The following CCDC85A variants were observed in gnomAD, a reference collection of about 807,000 sequenced individuals.
The protein encoded by CCDC85A is coiled-coil domain-containing protein 85A.
CCDC85A carries 38 observed loss-of-function variants against 50.2 expected under a neutral mutation model. The ratio of observed to expected loss-of-function variants is 0.76; its 90% CI spans 0.58 to 0.99. The LOEUF is 0.99. Ranked by LOEUF, CCDC85A falls within the 50% of genes least tolerant of loss-of-function variation. The pLI, the probability that CCDC85A is intolerant of heterozygous loss-of-function variation, is 0.00. For synonymous variants in CCDC85A, 366 were observed against 301.4 expected, an observed-to-expected ratio of 1.21 and a Z score of -2.22; for missense variants, 820 against 742.0, an observed-to-expected ratio of 1.11 and a Z score of -1.22.
intron 2 of CCDC85A, among the ~76,000 whole-genome samples, chr2:56,230,718 A>G (rs1668737915): frequency 6.6e-6 from 1 of 152,196 alleles, no homozygotes; most frequent in Non-Finnish European, 1.5e-5. Context: ...AAATAACAAA[A>G]TGTCTCATTT....
At chr2:56,346,256 A>C (rs1391113844) in intron 3 of CCDC85A, among the ~76,000 whole-genome samples, 1 of 152,186 alleles carries the variant, frequency 6.6e-6, no homozygotes, top group Non-Finnish European at 1.5e-5. Flanking sequence ...ATGCTTGTGG[A>C]TTTCTCCCTG....
At chr2:56,235,787 G>A (rs1305589642) in intron 2 of CCDC85A, among the ~76,000 whole-genome samples, 2 of 152,198 alleles carry the variant, frequency 1.3e-5, no homozygotes, top group East Asian at 1.9e-4. Context: ...TAAAATGTGG[G>A]TGGAGAGTTA....
intron 3 of CCDC85A, among the ~76,000 whole-genome samples, chr2:56,361,248 C>T (rs13382963): frequency 0.03 from 3,739 of 124,932 alleles, 127 homozygotes; most frequent in African/African-American, 0.095. Flanking sequence ...AGCAAGACTC[C>T]GTCTCAAAAA....
intron 2 of CCDC85A, among the ~76,000 whole-genome samples, chr2:56,255,639 G>A (rs1313476197): frequency 6.6e-6 from 1 of 152,162 alleles, no homozygotes; most frequent in Non-Finnish European, 1.5e-5. Context: ...AAAGAAGATG[G>A]AGAATAAGAC....
At chr2:56,297,724 T>G (rs540798630) in intron 2 of CCDC85A, among the ~76,000 whole-genome samples, 25 of 152,246 alleles carry the variant, frequency 1.6e-4, no homozygotes, top group African/African-American at 6.0e-4. Context: ...TAAATCCAGG[T>G]GAGTGTCAGA....
intron 2 of CCDC85A, among the ~76,000 whole-genome samples, chr2:56,333,353 G>A (rs1268821543): frequency 6.6e-6 from 1 of 152,110 alleles, no homozygotes; most frequent in Non-Finnish European, 1.5e-5. Flanking sequence ...TACAACTAAG[G>A]CAAAGTTCAT....
chr2:56,337,998 T>A (rs1023663567), intron 2 of CCDC85A, among the ~76,000 whole-genome samples: 1 of 152,104 alleles, frequency 6.6e-6, no homozygotes, highest in Non-Finnish European at 1.5e-5. Context: ...TTGGCCAGGA[T>A]GATCTCGACC....
At chr2:56,210,021 T>A (rs1349951946) in intron 2 of CCDC85A, among the ~76,000 whole-genome samples, 2 of 152,062 alleles carry the variant, frequency 1.3e-5, no homozygotes, top group African/African-American at 4.8e-5. Flanking sequence ...TTTGGAGATA[T>A]CTCAGTCCTC....
At chr2:56,217,640 C>CT (rs891811315) in intron 2 of CCDC85A, among the ~76,000 whole-genome samples, 8 of 151,284 alleles carry the variant, frequency 5.3e-5, no homozygotes, top group African/African-American at 1.2e-4. Flanking sequence ...TGGTAAGGTG[C>CT]TTTTTTTTCT....
intron 2 of CCDC85A, among the ~76,000 whole-genome samples, chr2:56,294,452 T>TA (rs1290826130): frequency 6.6e-6 from 1 of 152,220 alleles, no homozygotes; most frequent in African/African-American, 2.4e-5. Flanking sequence ...ATAAAATTTT[T>TA]AAAAAATCAG....
In CCDC85A at chr2:56,384,538, G is replaced by A; in HGVS notation, c.*183G>A. 1 of 551,522 alleles carries A rather than the reference G, an allele frequency of 1.8e-6. No homozygotes were observed. The highest frequency in any genetic ancestry group is 2.4e-5 in the South Asian group (1 of 41,536). The allele number at this position is 551,522 out of a possible 1,614,324, so 34.2% of individuals were successfully genotyped here. ...TTCTCCCCTCAAGCTGATATTCTGT[G>A]TCTCTCACCTCAATGTCCACAACAG... On this transcript the variant is annotated 3_prime_UTR_variant, in exon 6 of 6. Coordinates refer to ENST00000407595, the MANE Select transcript of CCDC85A (RefSeq NM_001080433.2).
In CCDC85A at chr2:56,338,587, G is replaced by A. The variant is rs146794777; in HGVS notation, c.1241-4292G>A. On this transcript the variant is annotated intron_variant, in intron 2 of 5. Transcript: ENST00000407595. ...GTGACTTTTTTTAAGAAAGTGTTGA[G>A]TTTCTTATACTTTATTTTATTCTAT... Among the ~76,000 whole-genome samples, 4 of 152,078 alleles carry A rather than the reference G, an allele frequency of 2.6e-5. 1 individual carries two copies. The highest frequency in any genetic ancestry group is 7.2e-5 in the African/African-American group (3 of 41,492).
chr2:56,194,619 A>G (rs1676454533), intron 2 of CCDC85A, among the ~76,000 whole-genome samples: 1 of 152,182 alleles, frequency 6.6e-6, no homozygotes, highest in Admixed American at 6.5e-5. Context: ...ATTTTATCCT[A>G]ATCCTTTTCT....
chr2:56,198,469 T>C (rs1676613015), intron 2 of CCDC85A, among the ~76,000 whole-genome samples: 1 of 152,234 alleles, frequency 6.6e-6, no homozygotes, highest in Non-Finnish European at 1.5e-5. Context: ...GGTAACCTTA[T>C]GCACACTTTG....
Position 56,184,716 on chromosome 2 carries a change from C to G in CCDC85A, c.92C>G (p.Ala31Gly). The change falls in exon 1 of 6, where the codon GCG becomes GGG. Residue 31 changes from alanine to glycine, a missense_variant. By Grantham distance (60) the Ala-to-Gly change is moderately conservative. Coordinates refer to ENST00000407595, the MANE Select transcript of CCDC85A (RefSeq NM_001080433.2). ...GCCGGCTCGTCCGCGGCCCCGCCCGCGCCGGTGGAGGACCTGTCCAAAGTG... is the reference window on the plus strand; with the variant it reads ...GCCGGCTCGTCCGCGGCCCCGCCCGGGCCGGTGGAGGACCTGTCCAAAGTG... ...APAGSSAAPP[A>G]PVEDLSKVSD... 1 of 1,530,628 alleles carries G rather than the reference C, an allele frequency of 6.5e-7. No individual in the cohort carries two copies. Among genetic ancestry groups the G allele is most frequent in the Non-Finnish European group, 8.8e-7 (1 of 1,141,852 alleles). The allele number at this position is 1,530,628 out of a possible 1,614,324, so 94.8% of individuals were successfully genotyped here.
chr2:56,354,062 A>G (rs1031188144), intron 3 of CCDC85A, among the ~76,000 whole-genome samples: 8 of 152,218 alleles, frequency 5.3e-5, no homozygotes, highest in Non-Finnish European at 8.8e-5. Flanking sequence ...CTCATATTGC[A>G]TGTAATAAAA....
At chr2:56,211,175 G>A (rs1677164999) in intron 2 of CCDC85A, among the ~76,000 whole-genome samples, 1 of 152,066 alleles carries the variant, frequency 6.6e-6, no homozygotes, top group African/African-American at 2.4e-5. Flanking sequence ...TCATAGGAGG[G>A]TAAATCTGAA....
At chr2:56,291,389 G>T (rs1429426870) in intron 2 of CCDC85A, among the ~76,000 whole-genome samples, 1 of 152,224 alleles carries the variant, frequency 6.6e-6, no homozygotes, top group African/African-American at 2.4e-5. Context: ...ATAATGGACT[G>T]AACATATCAT....
intron 3 of CCDC85A, among the ~76,000 whole-genome samples, chr2:56,363,507 CTCT>C (rs1205083749): frequency 6.6e-6 from 1 of 152,156 alleles, no homozygotes; most frequent in Non-Finnish European, 1.5e-5. Flanking sequence ...AAGAAGCTGA[CTCT>C]TCTTGCTTCT....
Sources: gnomAD v4.1 joint callset for allele counts (sites outside exome capture counted in the v4.1 genomes callset) on GRCh38, gnomAD v4.1.1 for gene constraint, MANE v1.5 for transcripts, NCBI Gene and HGNC (gene_info 2026-07-23, HGNC 2026-07-21) for gene names.